The following STRAP variants were observed in gnomAD, a reference collection of about 807,000 sequenced individuals.
The protein encoded by STRAP is serine-threonine kinase receptor-associated protein.
In STRAP, 16 loss-of-function variants were observed where a neutral mutation model predicts 47.0. The ratio of observed to expected loss-of-function variants is 0.34; its 90% CI spans 0.23 to 0.52. The LOEUF (loss-of-function observed/expected upper bound fraction) is 0.52. STRAP is among the 20% of genes least tolerant of loss of function. STRAP has a pLI of 0.96. For missense variants in STRAP, 293 were observed against 420.0 expected (o/e 0.70, Z 2.64); for synonymous variants, 130 against 142.7 (o/e 0.91, Z 0.63).
rs565341065 is a variant in STRAP at position 15,897,132 on chromosome 12, C to A, written c.639-750C>A. Among the ~76,000 whole-genome samples, 55 of 152,260 alleles carry A rather than the reference C, an allele frequency of 3.6e-4. 2 individuals carry two copies. Among genetic ancestry groups the A allele is most frequent in the South Asian group, 2.3e-3 (11 of 4,830 alleles). On this transcript the variant is annotated intron_variant, in intron 6 of 9. Coordinates refer to ENST00000419869, the MANE Select transcript of STRAP (RefSeq NM_007178.4). ...AGCCAGCAAGTTGCTATGTAGTGAT[C>A]CTGCATAAGTCATGACTAACTTTAA...
rs1440842785 is a variant in STRAP at position 15,894,197 on chromosome 12, C to T, written c.500+54C>T. On this transcript the variant is annotated intron_variant, in intron 5 of 9. Coordinates refer to ENST00000419869, the MANE Select transcript of STRAP (RefSeq NM_007178.4). This position sits in a 1 kb window ranked among gnomAD's most constrained non-coding sequence, Gnocchi z 4.9. ...ATTTAAGGCCGGGCATGGTGGCTCA[C>T]GCCTATAATCTCAGCACTTTGGGAG... 38 of 1,429,512 alleles carry T rather than the reference C, an allele frequency of 2.7e-5. No individual in the cohort carries two copies. Among genetic ancestry groups the T allele is most frequent in the African/African-American group, 9.9e-5 (7 of 70,518 alleles). The allele number at this position is 1,429,512 out of a possible 1,614,324, so 88.6% of individuals were successfully genotyped here.
At position 15,892,205 on chromosome 12, in the gene STRAP, G is replaced by A. The variant is rs191551838; in HGVS notation, c.403+1536G>A. ...CTGTCTACCTTTTGTCCATTTATCT[G>A]TTGTGTTATTCATGTTTTTCTTACT... On this transcript the variant is annotated intron_variant, in intron 4 of 9. Coordinates refer to ENST00000419869, the MANE Select transcript of STRAP (RefSeq NM_007178.4). 3.0e-3 allele frequency among the ~76,000 whole-genome samples: 462 copies of A among 151,914 alleles called. 2 individuals are homozygous for A. The highest frequency in any genetic ancestry group is 4.9e-3 in the Non-Finnish European group (336 of 67,926).
chr12:15,903,155 C>A lies in STRAP; in HGVS notation c.*177C>A. On this transcript the variant is annotated 3_prime_UTR_variant, in exon 10 of 10. Transcript: ENST00000419869. ...ACTTGGTGTTACCTGTAAGTGAAAACTCAAGTGTCAGATGAAGGGAGGTGG... is the reference window on the plus strand; with the variant it reads ...ACTTGGTGTTACCTGTAAGTGAAAAATCAAGTGTCAGATGAAGGGAGGTGG... 2 of 570,338 alleles carry A rather than the reference C, an allele frequency of 3.5e-6. No individual in the cohort carries two copies. The highest frequency in any genetic ancestry group is 5.5e-6 in the Non-Finnish European group (2 of 363,994). The allele number at this position is 570,338 out of a possible 1,614,324, so 35.3% of individuals were successfully genotyped here.
rs1158409084 is a variant in STRAP at position 15,894,230 on chromosome 12, G to C, written c.500+87G>C. The C allele has an allele frequency of 9.7e-7, 1 of 1,027,796 alleles. No individual in the cohort carries two copies. The highest frequency in any genetic ancestry group is 1.5e-6 in the Non-Finnish European group (1 of 671,482). The allele number at this position is 1,027,796 out of a possible 1,614,324, so 63.7% of individuals were successfully genotyped here. A position where few individuals can be genotyped will look rare whatever the true frequency, so the allele number is the denominator to read the frequency against. ...ATCTCAGCACTTTGGGAGGCGAGCC[G>C]GGTGGATCATTAGAGGTCAGGAGTA... On this transcript the variant is annotated intron_variant, in intron 5 of 9. Coordinates refer to ENST00000419869, the MANE Select transcript of STRAP (RefSeq NM_007178.4). The surrounding 1 kb of genome is among the most constrained non-coding windows in gnomAD (Gnocchi z 4.9).
intron 2 of STRAP, among the ~76,000 whole-genome samples, chr12:15,888,664 C>T (rs752880788): frequency 4.8e-4 from 73 of 151,962 alleles, no homozygotes; most frequent in Admixed American, 7.2e-4. Flanking sequence ...TTGCTTCTTC[C>T]GACGGCTAGC....
intron 4 of STRAP, among the ~76,000 whole-genome samples, chr12:15,891,609 C>G (rs960593258): frequency 2.0e-5 from 3 of 152,176 alleles, no homozygotes; most frequent in African/African-American, 7.2e-5. Flanking sequence ...CTTAAGATAA[C>G]TAAGCAAAAG....
rs947414945 is a variant in STRAP at position 15,896,403 on chromosome 12, G to C, written c.638+907G>C. Among the ~76,000 whole-genome samples the C allele has an allele frequency of 2.6e-5, 4 of 151,972 alleles. No homozygotes were observed. Among genetic ancestry groups the C allele is most frequent in the African/African-American group, 9.7e-5 (4 of 41,352 alleles). On this transcript the variant is annotated intron_variant, in intron 6 of 9. Coordinates refer to ENST00000419869, the MANE Select transcript of STRAP (RefSeq NM_007178.4). This position sits in a 1 kb window ranked among gnomAD's most constrained non-coding sequence, Gnocchi z 4.1. Reference sequence around the variant, plus strand: ...ACTTTAAATGTAGTAAATACTCTTGGAGAAAGACTGGAATATATAACATAA... The same window carrying C: ...ACTTTAAATGTAGTAAATACTCTTGCAGAAAGACTGGAATATATAACATAA...
At chr12:15,883,026 C>T (rs1947936819) in intron 1 of STRAP, 5 of 1,525,696 alleles carry the variant, frequency 3.3e-6, no homozygotes, top group Non-Finnish European at 4.4e-6. Flanking sequence ...TTTGTAGAAA[C>T]TATTACCTCC....
At chr12:15,891,033 C>T (rs1948010780) in intron 4 of STRAP, among the ~76,000 whole-genome samples, 1 of 150,694 alleles carries the variant, frequency 6.6e-6, no homozygotes, top group Non-Finnish European at 1.5e-5. Flanking sequence ...GCACTCCAGC[C>T]TGGGCAATAA....
intron 7 of STRAP, 47 bp from the exon 8 acceptor site, chr12:15,899,857 A>G (rs1228809611): frequency 2.6e-6 from 4 of 1,560,826 alleles, no homozygotes; most frequent in Non-Finnish European, 3.5e-6. Context: ...GCATATCAAT[A>G]TTTAACCTAA....
intron 2 of STRAP, among the ~76,000 whole-genome samples, chr12:15,885,901 A>G (rs983352587): frequency 2.0e-5 from 3 of 152,222 alleles, no homozygotes; most frequent in Non-Finnish European, 4.4e-5. Context: ...AGTGTTACAT[A>G]TGTAAAGTAA....
chr12:15,892,626 A>G (rs1177819069), intron 4 of STRAP, among the ~76,000 whole-genome samples: 1 of 152,182 alleles, frequency 6.6e-6, no homozygotes, highest in African/African-American at 2.4e-5. Context: ...TTTTTAAAAT[A>G]TTTTACATTT....
At chr12:15,897,371 A>T (rs1948067379) in intron 6 of STRAP, among the ~76,000 whole-genome samples, 1 of 152,206 alleles carries the variant, frequency 6.6e-6, no homozygotes, top group Non-Finnish European at 1.5e-5. Context: ...GCCTTATAGT[A>T]GAAACTGTTT....
chr12:15,891,513 C>T (rs937704829), intron 4 of STRAP, among the ~76,000 whole-genome samples: 4 of 152,172 alleles, frequency 2.6e-5, no homozygotes, highest in Admixed American at 1.3e-4. Flanking sequence ...TGTTTTGGCC[C>T]GTTTGGGCTA....
chr12:15,886,526 C>T (rs1295811531), intron 2 of STRAP, among the ~76,000 whole-genome samples: 2 of 152,174 alleles, frequency 1.3e-5, no homozygotes, highest in Non-Finnish European at 2.9e-5. Context: ...AGATCTTTCT[C>T]CACCATATAT....
At chr12:15,899,664 G>T (rs1428492605) in intron 7 of STRAP, among the ~76,000 whole-genome samples, 1 of 152,058 alleles carries the variant, frequency 6.6e-6, no homozygotes, top group African/African-American at 2.4e-5. Flanking sequence ...AGCCTCATTT[G>T]CTTTTTTTAG....
At chr12:15,883,249 A>T (rs1173469736) in intron 1 of STRAP, 1 of 1,098,786 alleles carries the variant, frequency 9.1e-7, no homozygotes. Flanking sequence ...CAAATGGGAA[A>T]CTGAGATTCA....
At chr12:15,883,901 A>G (rs1565572334) in intron 2 of STRAP, among the ~76,000 whole-genome samples, 1 of 152,208 alleles carries the variant, frequency 6.6e-6, no homozygotes. Context: ...CTTATTCCGT[A>G]TATTTTGATT....
chr12:15,886,533 A>G (rs993057821), intron 2 of STRAP, among the ~76,000 whole-genome samples: 2 of 152,200 alleles, frequency 1.3e-5, no homozygotes, highest in African/African-American at 4.8e-5. Flanking sequence ...TCTCCACCAT[A>G]TATCCCTGAA....
Sources: gnomAD v4.1 joint callset for allele counts (sites outside exome capture counted in the v4.1 genomes callset) on GRCh38, gnomAD v4.1.1 for gene constraint, Gnocchi (gnomAD v3.1) non-coding constraint, MANE v1.5 for transcripts, NCBI Gene and HGNC (gene_info 2026-07-23, HGNC 2026-07-21) for gene names.